The following TMEM131 variants were observed in gnomAD, a reference collection of about 807,000 sequenced individuals.
The protein encoded by TMEM131 is transmembrane protein 131.
In TMEM131, 66 loss-of-function variants were observed where a neutral mutation model predicts 211.6. The ratio of observed to expected loss-of-function variants is 0.31; its 90% CI spans 0.26 to 0.38. The LOEUF (loss-of-function observed/expected upper bound fraction) is 0.38, where lower values mean the gene tolerates loss of function less well. Among genes scored for constraint, TMEM131 ranks in the 10% least tolerant of loss-of-function variants. TMEM131 has a pLI of 1.00. For synonymous variants in TMEM131, 844 were observed against 841.3 expected, an observed-to-expected ratio of 1.00 and a Z score of -0.06; for missense variants, 2,036 against 2,299.3, an observed-to-expected ratio of 0.89 and a Z score of 2.34.
rs574242143 is a variant in TMEM131, at chr2:97,810,224, A to G, written c.1969-450T>C. Among the ~76,000 whole-genome samples, 13 of 152,278 alleles carry G rather than the reference A, an allele frequency of 8.5e-5. No individual in the cohort carries two copies. In the East Asian group the frequency reaches 1.9e-3, roughly 23 times the overall value. ...AATAGACATCAACCTAATTTTTAAA[A>G]ATGCACTGAACATTCTAGAGTTAGA... On this transcript the variant is annotated intron_variant, in intron 18 of 40. Transcript: ENST00000186436.
chr2:97,955,493 A>T (rs1678526277), intron 1 of TMEM131, among the ~76,000 whole-genome samples: 2 of 152,370 alleles, frequency 1.3e-5, no homozygotes, highest in South Asian at 4.1e-4. Flanking sequence ...AGGAAGGAAG[A>T]ATAAAATTGT....
chr2:97,988,270 A>G (rs1176521648), intron 1 of TMEM131, among the ~76,000 whole-genome samples: 1 of 152,218 alleles, frequency 6.6e-6, no homozygotes, highest in Non-Finnish European at 1.5e-5. Flanking sequence ...AAAAGAATAG[A>G]GTTATACCCT....
intron 38 of TMEM131, 73 bp from the exon 39 acceptor site, chr2:97,759,822 A>G (rs1035068994): frequency 5.7e-6 from 6 of 1,061,604 alleles, no homozygotes; most frequent in Non-Finnish European, 8.6e-6. Flanking sequence ...CATAGTGCAC[A>G]GCTTCACAAA....
At chr2:97,818,577 C>A in intron 12 of TMEM131, 36 bp downstream of exon 12, 2 of 1,322,788 alleles carry the variant, frequency 1.5e-6, no homozygotes, top group Non-Finnish European at 2.1e-6. Flanking sequence ...ATCAAAATAA[C>A]ATCACTCTAT....
At chr2:97,826,852 A>G (rs1396540412) in intron 11 of TMEM131, among the ~76,000 whole-genome samples, 1 of 152,186 alleles carries the variant, frequency 6.6e-6, no homozygotes, top group South Asian at 2.1e-4. Flanking sequence ...AAACAAGGAC[A>G]TAGCCTGAAA....
intron 36 of TMEM131, chr2:97,761,128 G>C: frequency 3.5e-6 from 2 of 569,534 alleles, no homozygotes; most frequent in Non-Finnish European, 6.1e-6. Flanking sequence ...GAAAACAAAA[G>C]ATCACTATGA....
chr2:97,866,664 C>G (rs1329449300), intron 4 of TMEM131, among the ~76,000 whole-genome samples: 1 of 152,146 alleles, frequency 6.6e-6, no homozygotes, highest in African/African-American at 2.4e-5. Context: ...GTTTTTGCTG[C>G]ATCCCGTAAG....
intron 19 of TMEM131, among the ~76,000 whole-genome samples, chr2:97,806,556 CA>C (rs947524348): frequency 1.3e-5 from 2 of 152,068 alleles, no homozygotes; most frequent in African/African-American, 4.8e-5. Context: ...AACAAACAAA[CA>C]AAAACCCCAG....
chr2:97,950,219 T>C (rs1559469576), intron 1 of TMEM131, among the ~76,000 whole-genome samples: 1 of 152,224 alleles, frequency 6.6e-6, no homozygotes, highest in African/African-American at 2.4e-5. Context: ...TATTTCCCCA[T>C]GAAAAGTGTT....
chr2:97,942,564 A>G (rs1677790613), intron 1 of TMEM131, among the ~76,000 whole-genome samples: 2 of 152,300 alleles, frequency 1.3e-5, no homozygotes, highest in African/African-American at 4.8e-5. Context: ...CCAATCTTAC[A>G]GTAAAAGGGA....
In TMEM131 at chr2:97,812,446, T is replaced by C. The variant is rs1681591786; in HGVS notation, c.1838A>G (p.Lys613Arg). Residue 613 changes from lysine to arginine, a missense_variant, in exon 17 of 41, where the codon AAA becomes AGA. Lys to Arg is a conservative substitution (Grantham distance 26). This residue lies in a region of TMEM131 where 1,623 missense variants were observed against 1,805.9 expected (regional missense o/e 0.90). Transcript: ENST00000186436. Reference sequence around the variant, plus strand: ...CGATGATTGATCTGATAAAGAGGATTTTTCAAACTCTGGCAGGCTTGAAAT... The same window carrying C: ...CGATGATTGATCTGATAAAGAGGATCTTTCAAACTCTGGCAGGCTTGAAAT... The part of the protein sequence containing the change: ...TIISSLPEFE[K>R]SSLSDQSSVT... 1 of 1,609,836 alleles carries C rather than the reference T, an allele frequency of 6.2e-7. No individual in the cohort carries two copies. Among genetic ancestry groups the C allele is most frequent in the Non-Finnish European group, 8.5e-7 (1 of 1,178,890 alleles).
chr2:97,855,230 G>A (rs893837392), intron 5 of TMEM131, among the ~76,000 whole-genome samples: 2 of 152,120 alleles, frequency 1.3e-5, no homozygotes, highest in African/African-American at 4.8e-5. Flanking sequence ...AGTAACAAGT[G>A]CTTATTTTAC....
intron 1 of TMEM131, among the ~76,000 whole-genome samples, chr2:97,951,924 C>T (rs1414608041): frequency 6.6e-6 from 1 of 152,016 alleles, no homozygotes; most frequent in African/African-American, 2.4e-5. Flanking sequence ...TATGGGAGGC[C>T]AAGGCGGGCA....
At chr2:97,902,202 A>C (rs1323599313) in intron 3 of TMEM131, among the ~76,000 whole-genome samples, 2 of 152,206 alleles carry the variant, frequency 1.3e-5, no homozygotes, top group African/African-American at 2.4e-5. Context: ...AGAAGGATGA[A>C]GAGAAAGATG....
intron 11 of TMEM131, among the ~76,000 whole-genome samples, chr2:97,829,417 A>G (rs1429520629): frequency 6.6e-6 from 1 of 152,144 alleles, no homozygotes; most frequent in Admixed American, 6.5e-5. Context: ...TAGCTAAAGG[A>G]TTGTAAATGC....
chr2:97,863,957 G>A (rs891153873), intron 4 of TMEM131, among the ~76,000 whole-genome samples: 4 of 152,156 alleles, frequency 2.6e-5, no homozygotes, highest in Non-Finnish European at 4.4e-5. Context: ...CACAATAGCC[G>A]AGATTTGGAA....
intron 13 of TMEM131, among the ~76,000 whole-genome samples, chr2:97,814,741 A>G (rs1681737309): frequency 6.6e-6 from 1 of 152,186 alleles, no homozygotes; most frequent in Non-Finnish European, 1.5e-5. Context: ...TTAAACTACT[A>G]TTGGTTAAAG....
At chr2:97,769,965 G>A (rs955095238) in intron 33 of TMEM131, among the ~76,000 whole-genome samples, 3 of 152,230 alleles carry the variant, frequency 2.0e-5, no homozygotes, top group Non-Finnish European at 4.4e-5. Flanking sequence ...GGATGGGGCT[G>A]AGCCACTCCT....
intron 33 of TMEM131, among the ~76,000 whole-genome samples, chr2:97,769,855 A>G (rs1000378471): frequency 2.6e-5 from 4 of 152,158 alleles, no homozygotes; most frequent in Non-Finnish European, 5.9e-5. Flanking sequence ...ATGTTGCCAC[A>G]GCTGGAAAAC....
Sources: gnomAD v4.1 joint callset for allele counts (sites outside exome capture counted in the v4.1 genomes callset) on GRCh38, gnomAD v4.1.1 for gene constraint, gnomAD v4.1.1 regional missense constraint, MANE v1.5 for transcripts, NCBI Gene and HGNC (gene_info 2026-07-23, HGNC 2026-07-21) for gene names.